UBR3: variants seen among roughly 807,000 people sequenced by gnomAD.
The protein encoded by UBR3 is ubiquitin protein ligase E3 component n-recognin 3.
In UBR3, 85 loss-of-function variants were observed where a neutral mutation model predicts 243.2. The observed-to-expected ratio is 0.35, with a 90% CI of 0.29 to 0.42. The LOEUF (loss-of-function observed/expected upper bound fraction) is 0.42, where lower values mean the gene tolerates loss of function less well. Ranked by LOEUF, UBR3 falls within the 10% of genes least tolerant of loss-of-function variation. UBR3 has a pLI of 1.00. For missense variants in UBR3, 1,686 were observed against 2,300.8 expected (o/e 0.73, Z 5.47); for synonymous variants, 748 against 799.8 (o/e 0.94, Z 1.09).
At chr2:169,999,084 G>A (rs2089599897) in intron 26 of UBR3, among the ~76,000 whole-genome samples, 2 of 152,180 alleles carry the variant, frequency 1.3e-5, no homozygotes, top group African/African-American at 2.4e-5. Context: ...TCTAAAAGTT[G>A]TGTAGACGAA....
chr2:169,910,947 C>T (rs1202555380), intron 10 of UBR3, among the ~76,000 whole-genome samples: 1 of 152,068 alleles, frequency 6.6e-6, no homozygotes, highest in Non-Finnish European at 1.5e-5. Context: ...CTAGAAGAAA[C>T]ACTATTATTT....
At chr2:169,887,449 G>C (rs1386824399) in intron 5 of UBR3, among the ~76,000 whole-genome samples, 1 of 152,116 alleles carries the variant, frequency 6.6e-6, no homozygotes, top group Non-Finnish European at 1.5e-5. Flanking sequence ...TATGATAACT[G>C]TTTTGTTTTC....
chr2:170,051,640 C>T (rs1016407672), intron 32 of UBR3, among the ~76,000 whole-genome samples: 12 of 152,216 alleles, frequency 7.9e-5, no homozygotes, highest in African/African-American at 2.4e-4. Flanking sequence ...CCACCGCGCC[C>T]GGCCACATCA....
intron 17 of UBR3, among the ~76,000 whole-genome samples, chr2:169,928,019 T>G (rs2085973924): frequency 6.6e-6 from 1 of 152,188 alleles, no homozygotes; most frequent in South Asian, 2.1e-4. Flanking sequence ...ATTTAGTATT[T>G]GTATATCTTA....
At chr2:170,017,546 GAC>G (rs34813217) in intron 30 of UBR3, among the ~76,000 whole-genome samples, 55,637 of 125,624 alleles carry the variant, frequency 0.44, 11,413 homozygotes, top group East Asian at 0.54. Context: ...CACACACACA[GAC>G]ACACACACAC....
At chr2:169,840,926 C>CT (rs1441463943) in intron 1 of UBR3, among the ~76,000 whole-genome samples, 6 of 152,234 alleles carry the variant, frequency 3.9e-5, no homozygotes, top group East Asian at 1.9e-4. Context: ...TGAGGTGGTG[C>CT]TGTGCAGCAA....
intron 3 of UBR3, among the ~76,000 whole-genome samples, chr2:169,876,911 TTAACAG>T (rs1191529275): frequency 6.6e-6 from 1 of 152,174 alleles, no homozygotes; most frequent in African/African-American, 2.4e-5. Flanking sequence ...TCCCCTTTCT[TTAACAG>T]TAACAACCAT....
intron 18 of UBR3, among the ~76,000 whole-genome samples, chr2:169,929,932 G>C (rs2086055691): frequency 6.6e-6 from 1 of 152,156 alleles, no homozygotes; most frequent in Non-Finnish European, 1.5e-5. Flanking sequence ...GAACAGAAAA[G>C]CCTTATTTGG....
At chr2:169,977,981 A>C (rs1263899971) in intron 24 of UBR3, among the ~76,000 whole-genome samples, 1 of 152,030 alleles carries the variant, frequency 6.6e-6, no homozygotes, top group Admixed American at 6.6e-5. Flanking sequence ...CTGCAGTTGA[A>C]TCTTAGTGTG....
At chr2:169,959,437 C>G (rs759782548) in intron 24 of UBR3, among the ~76,000 whole-genome samples, 8 of 151,634 alleles carry the variant, frequency 5.3e-5, no homozygotes, top group African/African-American at 9.7e-5. Context: ...CTTGTGGCAT[C>G]ATGCCACAAG....
chr2:170,067,729 CTAAG>C (rs985811605), intron 35 of UBR3, among the ~76,000 whole-genome samples: 1 of 150,574 alleles, frequency 6.6e-6, no homozygotes, highest in African/African-American at 2.4e-5. Context: ...CATCATAATT[CTAAG>C]TAATTTGTGG....
At chr2:169,838,391 GT>G (rs1273986978) in intron 1 of UBR3, among the ~76,000 whole-genome samples, 15 of 3,980 alleles carry the variant, frequency 3.8e-3, no homozygotes, top group African/African-American at 7.0e-3. Flanking sequence ...AGGCATTTGT[GT>G]GTGTGTGTGT....
chr2:170,056,051 A>T (rs2091328444), intron 33 of UBR3, among the ~76,000 whole-genome samples: 1 of 118,850 alleles, frequency 8.4e-6, no homozygotes. Context: ...TCTGTCACCT[A>T]GGCTGGAGTG....
intron 5 of UBR3, among the ~76,000 whole-genome samples, chr2:169,881,329 A>G (rs994658634): frequency 6.6e-6 from 1 of 151,820 alleles, no homozygotes; most frequent in African/African-American, 2.4e-5. Flanking sequence ...ACAGGCATGC[A>G]CTACCACGCC....
rs2089648098 is a variant in UBR3 at position 170,000,211 on chromosome 2, C to A, written c.3919-1093C>A. Among the ~76,000 whole-genome samples, 4 of 151,448 alleles carry A rather than the reference C, an allele frequency of 2.6e-5. No individual in the cohort carries two copies. The South Asian group carries it at 8.3e-4, about 32-fold the overall frequency. ...TTTGCTTATATAGTCTGGGTCCCTTCTTTATTGTATATTATATTAAGACCT... is the reference window on the plus strand; with the variant it reads ...TTTGCTTATATAGTCTGGGTCCCTTATTTATTGTATATTATATTAAGACCT... On this transcript the variant is annotated intron_variant, in intron 26 of 38. Transcript: ENST00000272793.
chr2:170,029,391 T>C lies in UBR3; in HGVS notation c.4499T>C (p.Ile1500Thr), dbSNP rs764365990. Residue 1500 changes from isoleucine to threonine, a missense_variant, in exon 31 of 39, where the codon ATT (isoleucine) becomes ACT (threonine). Physicochemically the swap from Ile to Thr is moderately conservative, Grantham distance 89. Coordinates refer to ENST00000272793, the MANE Select transcript of UBR3 (RefSeq NM_172070.4). ...GCCTTGCACATGCGGCTTTATAGCA[T>C]TGACTCTGAGTATAATCCCTGGAGA... ...VLALHMRLYS[I>T]DSEYNPWRKL... 26 of 1,611,928 alleles carry C rather than the reference T, an allele frequency of 1.6e-5. No individual in the cohort carries two copies. Among genetic ancestry groups the C allele is most frequent in the Admixed American group, 1.0e-4 (6 of 59,842 alleles).
chr2:170,058,578 T>C (rs1418659664), intron 33 of UBR3, among the ~76,000 whole-genome samples: 1 of 151,154 alleles, frequency 6.6e-6, no homozygotes, highest in Non-Finnish European at 1.5e-5. Flanking sequence ...TGCAGTGGCA[T>C]GATCACAGCT....
intron 24 of UBR3, among the ~76,000 whole-genome samples, chr2:169,974,066 CT>C (rs1308013820): frequency 1.3e-5 from 2 of 151,962 alleles, no homozygotes; most frequent in Non-Finnish European, 2.9e-5. Flanking sequence ...GGTGAGTGAT[CT>C]TTTAGCTTTC....
At chr2:169,877,295 A>G (rs760083421) in intron 3 of UBR3, among the ~76,000 whole-genome samples, 199 bp from the exon 4 acceptor site, 13 of 152,226 alleles carry the variant, frequency 8.5e-5, no homozygotes, top group Non-Finnish European at 1.9e-4. Flanking sequence ...ATTATTTGGT[A>G]TAAACATGCT....
Sources: allele counts gnomAD v4.1 joint callset (sites outside exome capture counted in the v4.1 genomes callset), GRCh38; gene constraint gnomAD v4.1.1; transcripts MANE v1.5; gene names NCBI Gene and HGNC (gene_info 2026-07-23, HGNC 2026-07-21).